The following INTS9 variants were observed in gnomAD, a reference collection of about 807,000 sequenced individuals.
INTS9 encodes protein related to CPSF subunits of 74 kDa.
Under a neutral mutation model 79.7 loss-of-function variants are expected in INTS9, and 55 were observed. That is an observed-to-expected ratio of 0.69 (90% CI 0.56 to 0.86). INTS9 has a LOEUF of 0.86. Among genes scored for constraint, INTS9 ranks in the 40% least tolerant of loss-of-function variants. The pLI is 0.00. For synonymous variants in INTS9, 319 were observed against 325.2 expected (o/e 0.98, Z 0.20); for missense variants, 721 against 831.5 (o/e 0.87, Z 1.64).
At chr8:28,839,100 G>C (rs1807001658) in intron 4 of INTS9, among the ~76,000 whole-genome samples, 1 of 152,180 alleles carries the variant, frequency 6.6e-6, no homozygotes, top group South Asian at 2.1e-4. Flanking sequence ...ACTCGGTTAA[G>C]AGATGGGTCC....
At chr8:28,810,800 C>T (rs1327264863) in intron 8 of INTS9, among the ~76,000 whole-genome samples, 2 of 152,200 alleles carry the variant, frequency 1.3e-5, no homozygotes, top group Non-Finnish European at 2.9e-5. Context: ...GTAAGTATCA[C>T]ATTCATAACA....
At chr8:28,777,976 A>G in intron 12 of INTS9, 23 bp from the exon 13 acceptor site, 1 of 1,594,204 alleles carries the variant, frequency 6.3e-7, no homozygotes, top group Non-Finnish European at 8.5e-7. Context: ...CAAGAAAGAA[A>G]TCTTACAATG....
intron 11 of INTS9, among the ~76,000 whole-genome samples, chr8:28,783,032 T>A (rs1377976679): frequency 6.6e-6 from 1 of 151,208 alleles, no homozygotes. Flanking sequence ...CTGTAGTCCG[T>A]TACTCGGGAG....
intron 8 of INTS9, among the ~76,000 whole-genome samples, chr8:28,801,513 A>G (rs531668294): frequency 6.6e-6 from 1 of 150,650 alleles, no homozygotes; most frequent in East Asian, 1.9e-4. Flanking sequence ...AAACAAAAAA[A>G]CAAAAAAAAC....
intron 16 of INTS9, among the ~76,000 whole-genome samples, chr8:28,768,629 C>T (rs1421086135): frequency 6.6e-6 from 1 of 152,212 alleles, no homozygotes; most frequent in Non-Finnish European, 1.5e-5. Flanking sequence ...CCATGCCGTT[C>T]CCTGGTGACA....
intron 1 of INTS9, 128 bp downstream of exon 1, chr8:28,889,746 C>T: frequency 2.0e-6 from 2 of 997,518 alleles, no homozygotes; most frequent in Non-Finnish European, 3.0e-6. Context: ...TTCCTTAGCC[C>T]ACTCCACTTT....
At chr8:28,838,021 C>G (rs973458877) in intron 4 of INTS9, among the ~76,000 whole-genome samples, 1 of 152,026 alleles carries the variant, frequency 6.6e-6, no homozygotes, top group Non-Finnish European at 1.5e-5. Context: ...TTTACTAGAA[C>G]AGAATTCTTC....
chr8:28,790,050 G>C (rs977221813), intron 10 of INTS9, among the ~76,000 whole-genome samples: 6 of 152,222 alleles, frequency 3.9e-5, no homozygotes, highest in African/African-American at 1.4e-4. Flanking sequence ...TGGACAGCAA[G>C]GGGCTGGGCT....
chr8:28,789,210 C>T (rs1292015628), intron 10 of INTS9, among the ~76,000 whole-genome samples: 1 of 152,060 alleles, frequency 6.6e-6, no homozygotes, highest in Non-Finnish European at 1.5e-5. Context: ...TTTGATTGTT[C>T]CAAAGGACAT....
chr8:28,879,370 C>T (rs530043232), intron 1 of INTS9, among the ~76,000 whole-genome samples: 2 of 152,142 alleles, frequency 1.3e-5, no homozygotes, highest in East Asian at 3.8e-4. Flanking sequence ...ATCCAAGAAC[C>T]ATTTACGATA....
At position 28,792,912 on chromosome 8, in the gene INTS9, C is replaced by CAA. The variant is rs11404692; in HGVS notation, c.1037+893_1037+894dup. Among the ~76,000 whole-genome samples the CAA allele has an allele frequency of 7.1e-3, 936 of 132,530 alleles. 6 individuals are homozygous for CAA. The highest frequency in any genetic ancestry group is 0.023 in the African/African-American group (820 of 35,036). The allele number at this position is 132,530 out of a possible 152,430, so 86.9% of individuals were successfully genotyped here. ...TGGGCAACAGAGCAAGACTCCGTCT[C>CAA]AAAAAAAAAAAAAAGTGACAAAGAA... On this transcript the variant is annotated intron_variant, in intron 10 of 16. Transcript: ENST00000521022.
intron 1 of INTS9, among the ~76,000 whole-genome samples, chr8:28,873,478 A>G (rs914912017): frequency 2.0e-5 from 3 of 152,258 alleles, no homozygotes; most frequent in Non-Finnish European, 4.4e-5. Flanking sequence ...CAAATGAGAC[A>G]TAAGGTATAG....
intron 9 of INTS9, among the ~76,000 whole-genome samples, chr8:28,795,168 T>C (rs1804135200): frequency 1.3e-5 from 2 of 152,254 alleles, no homozygotes; most frequent in Non-Finnish European, 2.9e-5. Context: ...GCTGAAGGTC[T>C]GAGCTCATTA....
Position 28,804,559 on chromosome 8 carries a change from G to A in INTS9, c.744+7768C>T, listed in dbSNP as rs573803051. ...CTTGCTTGTTCCCTCACACCACAAG[G>A]GCAAAGTGGTGACAAGTCAGGGAGA... is the stretch of plus-strand genomic sequence containing the variant. On this transcript the variant is annotated intron_variant, in intron 8 of 16. Transcript: ENST00000521022. Among the ~76,000 whole-genome samples the A allele has an allele frequency of 1.5e-3, 235 of 152,162 alleles. 1 individual carries two copies. Among genetic ancestry groups the A allele is most frequent in the African/African-American group, 5.4e-3 (226 of 41,512 alleles).
chr8:28,886,244 C>CT (rs1162967820), intron 1 of INTS9, among the ~76,000 whole-genome samples: 27 of 151,946 alleles, frequency 1.8e-4, no homozygotes, highest in Admixed American at 1.6e-3. Flanking sequence ...ACCTTAAAAA[C>CT]TTTTTTTTGT....
At chr8:28,786,931 A>C (rs1278342913) in intron 11 of INTS9, among the ~76,000 whole-genome samples, 4 of 151,908 alleles carry the variant, frequency 2.6e-5, no homozygotes, top group African/African-American at 9.7e-5. Context: ...GTTAGCCAGG[A>C]TGGTCTCGAT....
intron 6 of INTS9, among the ~76,000 whole-genome samples, chr8:28,822,773 G>T (rs1053507689): frequency 1.3e-5 from 2 of 152,196 alleles, no homozygotes; most frequent in African/African-American, 2.4e-5. Context: ...TATTGTAAGA[G>T]AAAATTGTAT....
intron 1 of INTS9, among the ~76,000 whole-genome samples, chr8:28,871,432 TCTCA>T (rs1196891294): frequency 6.6e-6 from 1 of 152,108 alleles, no homozygotes; most frequent in Non-Finnish European, 1.5e-5. Context: ...TGAGACAGGG[TCTCA>T]CTCTATTGCC....
At chr8:28,817,400 A>G (rs1328453172) in intron 6 of INTS9, among the ~76,000 whole-genome samples, 6 of 152,054 alleles carry the variant, frequency 3.9e-5, no homozygotes, top group Non-Finnish European at 7.4e-5. Flanking sequence ...AGCACCATTT[A>G]TTAAATAGGG....
Sources: allele counts gnomAD v4.1 joint callset (sites outside exome capture counted in the v4.1 genomes callset), GRCh38; gene constraint gnomAD v4.1.1; transcripts MANE v1.5; gene names NCBI Gene and HGNC (gene_info 2026-07-23, HGNC 2026-07-21).